The following ARMC10 variants were observed in gnomAD, a reference collection of about 807,000 sequenced individuals.
ARMC10 encodes armadillo repeat-containing protein 10.
ARMC10 carries 23 observed loss-of-function variants against 30.2 expected under a neutral mutation model. The observed-to-expected ratio is 0.76, with a 90% CI of 0.55 to 1.08. ARMC10 has a LOEUF of 1.08. ARMC10 is among the 50% of genes least tolerant of loss of function. The probability of loss-of-function intolerance (pLI) is 0.00; values close to 1 mark genes in which losing one functional copy is unlikely to be tolerated. For synonymous variants in ARMC10, 111 were observed against 164.4 expected (o/e 0.68, Z 2.48); for missense variants, 303 against 413.7 (o/e 0.73, Z 2.32).
At chr7:103,095,097 A>C (rs373804176) in intron 5 of ARMC10, among the ~76,000 whole-genome samples, 1 of 152,186 alleles carries the variant, frequency 6.6e-6, no homozygotes, top group Non-Finnish European at 1.5e-5. Flanking sequence ...AGAAAATACT[A>C]AAACTTTTCT....
At chr7:103,081,297 C>T (rs1800356328) in intron 2 of ARMC10, among the ~76,000 whole-genome samples, 2 of 152,144 alleles carry the variant, frequency 1.3e-5, no homozygotes, top group African/African-American at 2.4e-5. Context: ...GAAATTTTAT[C>T]GTTAGTGATT....
chr7:103,095,182 C>G (rs1434228525), intron 5 of ARMC10, among the ~76,000 whole-genome samples: 2 of 152,212 alleles, frequency 1.3e-5, no homozygotes, highest in African/African-American at 4.8e-5. Flanking sequence ...CTCACTGCAG[C>G]CTTGAGCTTC....
rs1403268089 is a variant in ARMC10 at position 103,085,272 on chromosome 7, A to G, written c.394-1358A>G. On this transcript the variant is annotated intron_variant, in intron 3 of 6. Coordinates refer to ENST00000323716, the MANE Select transcript of ARMC10 (RefSeq NM_031905.5). ...TTTAACAATACAGTTAAAAAAAAAAAAAACTTTTCTAGTAACTGCAAGTCC... is the reference window on the plus strand; with the variant it reads ...TTTAACAATACAGTTAAAAAAAAAAGAAACTTTTCTAGTAACTGCAAGTCC... Among the ~76,000 whole-genome samples the G allele has an allele frequency of 6.6e-5, 10 of 152,180 alleles. No individual in the cohort carries two copies. In the East Asian group the frequency reaches 1.9e-3, roughly 29 times the overall value.
Position 103,075,838 on chromosome 7 carries a change from G to A in ARMC10, c.201G>A (p.Thr67=). The change falls in exon 2 of 7, where the codon ACG becomes ACA. Residue 67 remains threonine (T), a synonymous_variant. Coordinates refer to ENST00000323716, the MANE Select transcript of ARMC10 (RefSeq NM_031905.5). ...QLCGRSARPQ[T]GGTWESQWSK... ...GCGGGCGCTCGGCCCGGCCTCAGAC[G>A]GGAGGTACCTGGGAGTCACAGTGGT... 1 of 1,611,704 alleles carries A rather than the reference G, an allele frequency of 6.2e-7. No individual in the cohort carries two copies. Among genetic ancestry groups the A allele is most frequent in the South Asian group, 1.1e-5 (1 of 90,414 alleles).
chr7:103,079,573 A>T (rs1332464188), intron 2 of ARMC10, among the ~76,000 whole-genome samples: 1 of 152,214 alleles, frequency 6.6e-6, no homozygotes, highest in Non-Finnish European at 1.5e-5. Context: ...AGAAAACAAC[A>T]TGCATAAATA....
At chr7:103,078,198 A>G (rs191284587) in intron 2 of ARMC10, among the ~76,000 whole-genome samples, 16 of 152,234 alleles carry the variant, frequency 1.1e-4, no homozygotes, top group Admixed American at 3.3e-4. Flanking sequence ...GGGTTTCACC[A>G]TGTTGGCCAG....
chr7:103,089,215 A>C, intron 4 of ARMC10: 1 of 251,788 alleles, frequency 4.0e-6, no homozygotes, highest in South Asian at 5.8e-5. Flanking sequence ...TTTCATACAG[A>C]CACTGTGAAT....
intron 5 of ARMC10, chr7:103,096,512 A>G (rs1413924777): frequency 6.6e-6 from 1 of 152,232 alleles, no homozygotes; most frequent in Admixed American, 6.5e-5. Context: ...TTAAGTAGAA[A>G]TGAGCTGAGC....
intron 2 of ARMC10, among the ~76,000 whole-genome samples, chr7:103,080,727 A>G (rs1470454309): frequency 6.6e-6 from 1 of 151,862 alleles, no homozygotes; most frequent in Non-Finnish European, 1.5e-5. Context: ...GCCCAGGTTC[A>G]AGCAATTCTT....
chr7:103,097,787 A>G (rs1801877317), intron 6 of ARMC10, among the ~76,000 whole-genome samples: 4 of 152,352 alleles, frequency 2.6e-5, no homozygotes, highest in East Asian at 1.9e-4. Context: ...ACAAAAATAT[A>G]TAACAAGTGA....
intron 5 of ARMC10, chr7:103,095,935 G>C (rs1175803463): frequency 6.7e-6 from 1 of 149,498 alleles, no homozygotes; most frequent in Non-Finnish European, 1.5e-5. Context: ...GGACTGTTGT[G>C]GGGTGGGGGG....
chr7:103,085,761 C>G (rs1336530714), intron 3 of ARMC10, among the ~76,000 whole-genome samples: 1 of 152,054 alleles, frequency 6.6e-6, no homozygotes, highest in Non-Finnish European at 1.5e-5. Flanking sequence ...ATTACAGGCA[C>G]TGGCCACCAC....
intron 2 of ARMC10, among the ~76,000 whole-genome samples, chr7:103,078,577 G>A (rs1005227137): frequency 1.3e-5 from 2 of 152,150 alleles, no homozygotes; most frequent in Admixed American, 1.3e-4. Flanking sequence ...ACCCAGTCTC[G>A]GGCAGTTCTT....
At chr7:103,088,758 T>C (rs550626050) in intron 4 of ARMC10, 2 of 188,020 alleles carry the variant, frequency 1.1e-5, no homozygotes, top group South Asian at 1.2e-4. Flanking sequence ...TGAGAACTTA[T>C]TACAGGTTTC....
chr7:103,086,169 C>G (rs532529784), intron 3 of ARMC10, among the ~76,000 whole-genome samples: 1 of 152,232 alleles, frequency 6.6e-6, no homozygotes, highest in South Asian at 2.1e-4. Flanking sequence ...TGGAACATCT[C>G]TTAACATTTT....
chr7:103,097,398 AACAG>A (rs770102298), intron 6 of ARMC10, 50 bp downstream of exon 6: 11 of 1,303,594 alleles, frequency 8.4e-6, no homozygotes, highest in East Asian at 4.9e-5. Flanking sequence ...TATACATTTG[AACAG>A]ACAGACAGAT....
At chr7:103,082,868 A>G (rs1800513544) in intron 2 of ARMC10, among the ~76,000 whole-genome samples, 1 of 152,162 alleles carries the variant, frequency 6.6e-6, no homozygotes, top group African/African-American at 2.4e-5. Context: ...CTCTTCTTCA[A>G]AATGTCAGGT....
intron 1 of ARMC10, among the ~76,000 whole-genome samples, 154 bp from the exon 2 acceptor site, chr7:103,075,623 T>G (rs1393182996): frequency 6.6e-6 from 1 of 152,246 alleles, no homozygotes; most frequent in Non-Finnish European, 1.5e-5. Flanking sequence ...CTGCCTGAGC[T>G]CCGCGTCACA....
intron 4 of ARMC10, among the ~76,000 whole-genome samples, chr7:103,088,028 T>G (rs1356552924): frequency 2.6e-5 from 4 of 152,184 alleles, no homozygotes; most frequent in Non-Finnish European, 5.9e-5. Context: ...TTGGAGGCTA[T>G]GTACCAAGTG....
Sources: allele counts gnomAD v4.1 joint callset (sites outside exome capture counted in the v4.1 genomes callset), GRCh38; gene constraint gnomAD v4.1.1; transcripts MANE v1.5; gene names NCBI Gene and HGNC (gene_info 2026-07-23, HGNC 2026-07-21).